The following TEX36 variants were observed in gnomAD, a reference collection of about 807,000 sequenced individuals.
TEX36 encodes the protein testis-expressed protein 36.
Under a neutral mutation model 13.6 loss-of-function variants are expected in TEX36, and 12 were observed. That is an observed-to-expected ratio of 0.88 (90% confidence interval 0.56 to 1.43). The LOEUF (loss-of-function observed/expected upper bound fraction) is 1.43. Among genes scored for constraint, TEX36 ranks in the 40% most tolerant of loss-of-function variants. The pLI, the probability that TEX36 is intolerant of heterozygous loss-of-function variation, is 0.00. For synonymous variants in TEX36, 93 were observed against 83.0 expected, an observed-to-expected ratio of 1.12 and a Z score of -0.65; for missense variants, 224 against 228.3, an observed-to-expected ratio of 0.98 and a Z score of 0.12.
chr10:125,617,309 A>G (rs297233), downstream of TEX36, among the ~76,000 whole-genome samples: 37,530 of 151,166 alleles, frequency 0.25, 5,125 homozygotes, highest in African/African-American at 0.37. Context: ...ATTGTTATGT[A>G]TGAATTTGAT....
intron 3 of TEX36, among the ~76,000 whole-genome samples, chr10:125,658,622 A>G (rs879486405): frequency 6.6e-6 from 1 of 152,108 alleles, no homozygotes; most frequent in Non-Finnish European, 1.5e-5. Flanking sequence ...CACACACAAG[A>G]CAACAAAGAT....
At chr10:125,628,522 A>G (rs1846514316) in intron 3 of TEX36, among the ~76,000 whole-genome samples, 1 of 152,216 alleles carries the variant, frequency 6.6e-6, no homozygotes, top group African/African-American at 2.4e-5. Context: ...AATAACACTG[A>G]CCAGGAAAGG....
At chr10:125,673,746 AC>A (rs774904558) in intron 1 of TEX36, among the ~76,000 whole-genome samples, 15 of 144,382 alleles carry the variant, frequency 1.0e-4, no homozygotes, top group East Asian at 8.2e-4. Flanking sequence ...TTGAATATTG[AC>A]CCCCAGTCTC....
intron 3 of TEX36, among the ~76,000 whole-genome samples, chr10:125,615,447 G>A (rs113865159): frequency 6.6e-6 from 1 of 151,980 alleles, no homozygotes; most frequent in Non-Finnish European, 1.5e-5. Context: ...ATTATTTTGA[G>A]ATACATCCCA....
intron 3 of TEX36, among the ~76,000 whole-genome samples, chr10:125,627,161 T>G (rs906627468): frequency 2.0e-5 from 3 of 152,218 alleles, no homozygotes; most frequent in Non-Finnish European, 4.4e-5. Flanking sequence ...TAAATACATG[T>G]AAGTGAGATG....
chr10:125,583,680 A>C (rs186817319), intron 3 of TEX36, among the ~76,000 whole-genome samples: 205 of 152,342 alleles, frequency 1.3e-3, no homozygotes, highest in Admixed American at 0.012. Context: ...TGTAGGACTT[A>C]TGTAATACTT....
chr10:125,682,640 G>A (rs1459287866), intron 1 of TEX36, among the ~76,000 whole-genome samples: 1 of 152,216 alleles, frequency 6.6e-6, no homozygotes, highest in Non-Finnish European at 1.5e-5. Flanking sequence ...AATAAGTTCT[G>A]TAGTATGTTA....
chr10:125,585,214 G>A (rs1009758987), intron 3 of TEX36, among the ~76,000 whole-genome samples: 1 of 152,120 alleles, frequency 6.6e-6, no homozygotes, highest in African/African-American at 2.4e-5. Flanking sequence ...GGTGTGTCCC[G>A]AGGGGCTGCG....
chr10:125,618,942 TAAAAAAAAAAAAA>T (rs11452140), downstream of TEX36, among the ~76,000 whole-genome samples: 5 of 43,586 alleles, frequency 1.1e-4, no homozygotes, highest in African/African-American at 2.0e-4. Flanking sequence ...CCGTCTCTAC[TAAAAAAAAAAAAA>T]AAAAAAAAAA....
downstream of TEX36, among the ~76,000 whole-genome samples, chr10:125,618,543 G>T (rs61873473): frequency 0.054 from 8,146 of 152,098 alleles, 233 homozygotes; most frequent in East Asian, 0.085. Flanking sequence ...GGAGTACCCG[G>T]CTGTGTGAGG....
intron 3 of TEX36, among the ~76,000 whole-genome samples, chr10:125,593,986 T>A (rs1008783614): frequency 6.6e-6 from 1 of 152,208 alleles, no homozygotes; most frequent in African/African-American, 2.4e-5. Context: ...ACACAGGGGA[T>A]GTTTTGGCAG....
intron 1 of TEX36, among the ~76,000 whole-genome samples, chr10:125,671,143 T>A (rs900750183): frequency 1.3e-5 from 2 of 152,162 alleles, no homozygotes; most frequent in South Asian, 4.1e-4. Flanking sequence ...TGCCTGATTG[T>A]CCTGTCCAGA....
intron 1 of TEX36, among the ~76,000 whole-genome samples, chr10:125,674,011 G>A (rs1019695552): frequency 3.3e-5 from 5 of 152,120 alleles, no homozygotes; most frequent in East Asian, 3.9e-4. Context: ...CCTGAAGTAC[G>A]TTTTCCAACT....
chr10:125,604,327 G>C (rs548030722), intron 3 of TEX36, among the ~76,000 whole-genome samples: 191 of 152,278 alleles, frequency 1.3e-3, no homozygotes, highest in Non-Finnish European at 2.3e-3. Flanking sequence ...GATTCTCATA[G>C]GGGCACAAAC....
intron 3 of TEX36, among the ~76,000 whole-genome samples, chr10:125,658,630 GATA>G (rs1453512888): frequency 1.3e-5 from 2 of 151,970 alleles, no homozygotes; most frequent in Admixed American, 1.3e-4. Flanking sequence ...AGACAACAAA[GATA>G]ATCTCATAAT....
At chr10:125,680,958 T>A (rs866415557) in intron 1 of TEX36, among the ~76,000 whole-genome samples, 13 of 152,270 alleles carry the variant, frequency 8.5e-5, no homozygotes, top group African/African-American at 3.1e-4. Flanking sequence ...ACAGCAGCCA[T>A]GTGGTTGGTT....
chr10:125,593,134 A>G (rs1846042083), intron 3 of TEX36, among the ~76,000 whole-genome samples: 1 of 152,172 alleles, frequency 6.6e-6, no homozygotes. Context: ...CAACCTTCCA[A>G]TCACAGAGTT....
chr10:125,640,088 T>C (rs941379163), intron 3 of TEX36: 15 of 889,620 alleles, frequency 1.7e-5, no homozygotes, highest in Non-Finnish European at 2.0e-5. Flanking sequence ...ATATGGAACG[T>C]GGATAATGAG....
chr10:125,608,307 C>T (rs1335589320), intron 3 of TEX36, among the ~76,000 whole-genome samples: 1 of 152,096 alleles, frequency 6.6e-6, no homozygotes, highest in Admixed American at 6.5e-5. Context: ...CATGACTATA[C>T]ATTTGTCGGG....
Sources: allele counts gnomAD v4.1 joint callset (sites outside exome capture counted in the v4.1 genomes callset), GRCh38; gene constraint gnomAD v4.1.1; transcripts MANE v1.5; gene names NCBI Gene and HGNC (gene_info 2026-07-23, HGNC 2026-07-21).